The following USP26 variants were observed in gnomAD, a reference collection of about 807,000 sequenced individuals.
USP26 encodes the protein ubiquitin carboxyl-terminal hydrolase 26.
For synonymous variants in USP26, 236 were observed against 240.6 expected, an observed-to-expected ratio of 0.98 and a Z score of 0.18; for missense variants, 649 against 642.3, an observed-to-expected ratio of 1.01 and a Z score of -0.11.
rs1449468387 is a variant in USP26 at position 133,027,437 on chromosome X, T to C, written c.784A>G (p.Met262Val). ...TGTTGTAACAGAAATACCAAAACCA[T>C]TTTCTCAGTGAGAGCTTGGAGAAGA... Reference protein sequence around the residue: ...IGLLQALTEKMVLVFLLQQGY... With the variant: ...IGLLQALTEKVVLVFLLQQGY... The change falls in exon 6 of 6, where the codon ATG becomes GTG. Residue 262 changes from methionine to valine, a missense_variant. Physicochemically the swap from Met to Val is conservative, Grantham distance 21. Transcript: ENST00000511190. 1 of 1,211,240 alleles carries C rather than the reference T, an allele frequency of 8.3e-7. No individual in the cohort carries two copies. The highest frequency in any genetic ancestry group is 2.2e-5 in the Admixed American group (1 of 46,020).
At chrX:133,042,667 C>T (rs2067423973) in intron 5 of USP26, among the ~76,000 whole-genome samples, 1 of 111,987 alleles carries the variant, frequency 8.9e-6, no homozygotes, top group African/African-American at 3.2e-5. Flanking sequence ...CTCCAAGGAG[C>T]TCAATATTTA....
chrX:133,062,882 A>G (rs1276606680), intron 5 of USP26, among the ~76,000 whole-genome samples: 5 of 111,562 alleles, frequency 4.5e-5, no homozygotes, highest in African/African-American at 1.6e-4. Flanking sequence ...AAAGAGTTTG[A>G]TGAATTGACA....
chrX:133,084,834 C>T (rs1294545431), intron 4 of USP26, among the ~76,000 whole-genome samples: 1 of 111,299 alleles, frequency 9.0e-6, no homozygotes, highest in Non-Finnish European at 1.9e-5. Context: ...TTTGGGTGCA[C>T]CCAACTCCTA....
chrX:133,029,286 T>C (rs1177556092), intron 5 of USP26, among the ~76,000 whole-genome samples: 2 of 112,672 alleles, frequency 1.8e-5, no homozygotes, highest in Non-Finnish European at 3.8e-5. Flanking sequence ...TCTTTATGAA[T>C]AATACTGAAG....
intron 5 of USP26, among the ~76,000 whole-genome samples, chrX:133,052,263 G>C (rs1403352812): frequency 8.9e-6 from 1 of 112,021 alleles, no homozygotes; most frequent in Non-Finnish European, 1.9e-5. Context: ...CTGAATTCAA[G>C]AGAGATTACA....
chrX:133,037,111 C>T (rs1275970303), intron 5 of USP26, among the ~76,000 whole-genome samples: 2 of 111,508 alleles, frequency 1.8e-5, no homozygotes, highest in African/African-American at 6.5e-5. Context: ...AAAATTTCTC[C>T]CATTTGGTAG....
intron 5 of USP26, among the ~76,000 whole-genome samples, chrX:133,080,951 T>C (rs747192863): frequency 9.0e-6 from 1 of 111,355 alleles, no homozygotes; most frequent in Non-Finnish European, 1.9e-5. Context: ...AAACTAATTA[T>C]AAGAAGGGAA....
intron 4 of USP26, among the ~76,000 whole-genome samples, chrX:133,087,724 A>T (rs1224972841): frequency 8.9e-6 from 1 of 112,329 alleles, no homozygotes; most frequent in East Asian, 2.8e-4. Context: ...AAGTATTAAG[A>T]AAAATATGTT....
chrX:133,069,092 A>G (rs2067522283), intron 5 of USP26, among the ~76,000 whole-genome samples: 1 of 111,700 alleles, frequency 9.0e-6, no homozygotes, highest in South Asian at 3.7e-4. Context: ...TACTCCAATT[A>G]CAGAGAAAAT....
chrX:133,076,499 T>C (rs1407417854), intron 5 of USP26, among the ~76,000 whole-genome samples: 1 of 111,634 alleles, frequency 9.0e-6, no homozygotes, highest in East Asian at 2.8e-4. Context: ...TTCACACCCT[T>C]GTGCAATCTC....
chrX:133,084,110 G>A (rs1036570657), intron 4 of USP26, among the ~76,000 whole-genome samples: 3 of 112,270 alleles, frequency 2.7e-5, no homozygotes, highest in African/African-American at 6.5e-5. Context: ...CCACTCCAAT[G>A]GCCTGAAGAT....
intron 5 of USP26, among the ~76,000 whole-genome samples, chrX:133,036,897 G>A (rs1356735103): frequency 8.9e-6 from 1 of 112,522 alleles, no homozygotes; most frequent in Non-Finnish European, 1.9e-5. Context: ...GTATCTCACT[G>A]TGGTTTTGAT....
chrX:133,044,783 G>T (rs2067432874), intron 5 of USP26, among the ~76,000 whole-genome samples: 1 of 113,422 alleles, frequency 8.8e-6, no homozygotes, highest in Non-Finnish European at 1.9e-5. Context: ...TGCAGGACTG[G>T]CAGGCAGCTC....
intron 5 of USP26, among the ~76,000 whole-genome samples, chrX:133,044,435 C>T (rs778464292): frequency 1.8e-4 from 20 of 113,280 alleles, no homozygotes; most frequent in African/African-American, 6.4e-4. Context: ...GCTAGAGTTC[C>T]GGGTGGGCAT....
chrX:133,051,023 C>A, intron 5 of USP26, among the ~76,000 whole-genome samples: 1 of 111,842 alleles, frequency 8.9e-6, no homozygotes, highest in African/African-American at 3.2e-5. Flanking sequence ...TAGCTTAATA[C>A]CTTGACAGTT....
At chrX:133,060,376 T>G (rs2067490418) in intron 5 of USP26, among the ~76,000 whole-genome samples, 1 of 112,046 alleles carries the variant, frequency 8.9e-6, no homozygotes, top group Admixed American at 9.5e-5. Context: ...AATATTTTAC[T>G]TAAATGTTAT....
chrX:133,061,376 T>C (rs749834774), intron 5 of USP26, among the ~76,000 whole-genome samples: 41 of 112,609 alleles, frequency 3.6e-4, no homozygotes, highest in African/African-American at 1.3e-3. Context: ...TTTCTCTCAA[T>C]CACTTTTAAG....
rs193099349 is a variant in USP26 at position 133,044,706 on chromosome X, G to A, written c.-76-16410C>T. On this transcript the variant is annotated intron_variant, in intron 5 of 5. Coordinates refer to ENST00000511190, the MANE Select transcript of USP26 (RefSeq NM_031907.3). Reference sequence around the variant, plus strand: ...TGTGGCCCAAGCCTCCCCGACGAGCGTCACCCCCTGCTCCACAGTGCCTGG... The same window carrying A: ...TGTGGCCCAAGCCTCCCCGACGAGCATCACCCCCTGCTCCACAGTGCCTGG... Among the ~76,000 whole-genome samples, 681 of 113,104 alleles carry A rather than the reference G, an allele frequency of 6.0e-3. 1 individual carries two copies. The highest frequency in any genetic ancestry group is 0.028 in the Middle Eastern group (6 of 218).
At chrX:133,069,453 G>T (rs890211303) in intron 5 of USP26, among the ~76,000 whole-genome samples, 38 of 110,985 alleles carry the variant, frequency 3.4e-4, no homozygotes, top group African/African-American at 1.2e-3. Context: ...GAATGGAGGT[G>T]GTGGGGAGTG....
Sources: gnomAD v4.1 joint callset for allele counts (sites outside exome capture counted in the v4.1 genomes callset) on GRCh38, gnomAD v4.1.1 for gene constraint, MANE v1.5 for transcripts, NCBI Gene and HGNC (gene_info 2026-07-23, HGNC 2026-07-21) for gene names.